Variants in MCTP2 observed in about 807,000 individuals in gnomAD.
MCTP2 encodes the protein multiple C2 and transmembrane domain-containing protein 2.
MCTP2 carries 132 observed loss-of-function variants against 111.6 expected under a neutral mutation model. The observed-to-expected ratio is 1.18, with a 90% CI of 1.03 to 1.37. The LOEUF (loss-of-function observed/expected upper bound fraction) is 1.37. Ranked by LOEUF, MCTP2 falls within the 40% of genes most tolerant of loss-of-function variation. The pLI, the probability that MCTP2 is intolerant of heterozygous loss-of-function variation, is 0.00. For missense variants in MCTP2, 1,183 were observed against 1,067.9 expected, an observed-to-expected ratio of 1.11 and a Z score of -1.50; for synonymous variants, 395 against 387.7, an observed-to-expected ratio of 1.02 and a Z score of -0.22.
chr15:94,359,227 G>A (rs1214958740), intron 10 of MCTP2, among the ~76,000 whole-genome samples: 2 of 152,140 alleles, frequency 1.3e-5, no homozygotes. Flanking sequence ...GCTGGCAGAA[G>A]CACAGATCAT....
chr15:94,416,160 A>G lies in MCTP2; in HGVS notation c.2085+14141A>G, dbSNP rs2082369448. 3.9e-5 allele frequency among the ~76,000 whole-genome samples: 6 copies of G among 152,146 alleles called. No individual in the cohort carries two copies. The South Asian group carries it at 1.2e-3, about 32-fold the overall frequency. On this transcript the variant is annotated intron_variant, in intron 17 of 22. Transcript: ENST00000357742. ...CAAATTGCTAATATATGTGTCCTAC[A>G]GCCTGCAATATAATATTTACGTAGC...
intron 1 of MCTP2, among the ~76,000 whole-genome samples, chr15:94,297,210 A>G (rs1246569359): frequency 6.6e-6 from 1 of 152,140 alleles, no homozygotes; most frequent in Non-Finnish European, 1.5e-5. Context: ...ATTTCTGCAA[A>G]TTTGATTTTG....
At chr15:94,469,049 G>C (rs2073673491) in intron 20 of MCTP2, among the ~76,000 whole-genome samples, 1 of 152,150 alleles carries the variant, frequency 6.6e-6, no homozygotes, top group African/African-American at 2.4e-5. Context: ...AAATGGGGCA[G>C]AATTATTAAG....
chr15:94,291,951 A>C (rs969389506), intron 1 of MCTP2, among the ~76,000 whole-genome samples: 5 of 152,218 alleles, frequency 3.3e-5, no homozygotes, highest in Non-Finnish European at 2.9e-5. Flanking sequence ...GGCTACATTC[A>C]ATGAAACTTT....
At chr15:94,322,335 T>G (rs536091970) in intron 4 of MCTP2, among the ~76,000 whole-genome samples, 1 of 152,076 alleles carries the variant, frequency 6.6e-6, no homozygotes, top group African/African-American at 2.4e-5. Context: ...GCTATTTTGA[T>G]GAATCACTCT....
At chr15:94,235,025 G>T (rs1489143723) in intron 1 of MCTP2, among the ~76,000 whole-genome samples, 5 of 152,134 alleles carry the variant, frequency 3.3e-5, no homozygotes, top group Non-Finnish European at 7.4e-5. Context: ...GCCGAGTTGG[G>T]TGGATCACCT....
At chr15:94,346,460 T>C (rs1180634225) in intron 8 of MCTP2, among the ~76,000 whole-genome samples, 1 of 152,156 alleles carries the variant, frequency 6.6e-6, no homozygotes, top group Non-Finnish European at 1.5e-5. Flanking sequence ...TAGAAGAACA[T>C]CATTTCTCAC....
rs1245844207 is a variant in MCTP2 at position 94,358,667 on chromosome 15, C to G, written c.1301+55C>G. 16 of 1,595,108 alleles carry G rather than the reference C, an allele frequency of 1.0e-5. No homozygotes were observed. In the Admixed American group the frequency reaches 2.4e-4, roughly 24 times the overall value. On this transcript the variant is annotated intron_variant, in intron 10 of 22. Transcript: ENST00000357742. Reference sequence around the variant, plus strand: ...AGCATGTTTCTGCATGGGGCTGGTTCTGAGAGGTGATCTTTATCTGTTAGG... The same window carrying G: ...AGCATGTTTCTGCATGGGGCTGGTTGTGAGAGGTGATCTTTATCTGTTAGG...
intron 4 of MCTP2, among the ~76,000 whole-genome samples, chr15:94,331,923 G>T (rs1364840893): frequency 6.6e-6 from 1 of 152,180 alleles, no homozygotes; most frequent in East Asian, 1.9e-4. Context: ...CTGTTCTGTG[G>T]TTGGTATCAA....
intron 1 of MCTP2, among the ~76,000 whole-genome samples, chr15:94,287,480 T>C (rs908535033): frequency 6.6e-6 from 1 of 152,204 alleles, no homozygotes; most frequent in Non-Finnish European, 1.5e-5. Context: ...TATCTTTTTG[T>C]GTTTATATGT....
intron 7 of MCTP2, among the ~76,000 whole-genome samples, chr15:94,344,812 T>C (rs1467630683): frequency 6.6e-6 from 1 of 152,172 alleles, no homozygotes; most frequent in Admixed American, 6.5e-5. Flanking sequence ...CTTTCTGCTT[T>C]TTTAGAGAGA....
At chr15:94,462,331 T>G (rs2085265928) in intron 20 of MCTP2, among the ~76,000 whole-genome samples, 1 of 152,220 alleles carries the variant, frequency 6.6e-6, no homozygotes, top group South Asian at 2.1e-4. Context: ...AATGGCGAAG[T>G]TAGTCATTTG....
intron 19 of MCTP2, among the ~76,000 whole-genome samples, chr15:94,456,484 GT>G (rs1461934546): frequency 6.6e-6 from 1 of 152,158 alleles, no homozygotes. Flanking sequence ...GCTTTCAAAT[GT>G]TCCTTTATAA....
Position 94,479,007 on chromosome 15 carries a change from C to G in MCTP2, c.2610C>G (p.Pro870=), listed in dbSNP as rs778578166. 1.2e-6 allele frequency: 2 copies of G among 1,614,086 alleles called. No homozygotes were observed. The highest frequency in any genetic ancestry group is 1.7e-4 in the Middle Eastern group (1 of 6,060). ...AELKLCSSHS[P]LRKKRSAL ...TGAAACTCTGCAGCAGCCACAGCCC[C>G]CTGCGGAAGAAGCGCAGCGCTCTCT... The change falls in exon 23 of 23, where the codon CCC becomes CCG. Residue 870 remains proline (P), a synonymous_variant. Transcript: ENST00000357742.
At chr15:94,347,603 T>G (rs915337789) in intron 8 of MCTP2, among the ~76,000 whole-genome samples, 63 of 152,196 alleles carry the variant, frequency 4.1e-4, no homozygotes, top group African/African-American at 1.4e-3. Flanking sequence ...AAAATGGGCC[T>G]TCAAATAAGA....
chr15:94,245,272 A>T (rs9796557), intron 1 of MCTP2, among the ~76,000 whole-genome samples: 1 of 136,526 alleles, frequency 7.3e-6, no homozygotes, highest in Non-Finnish European at 1.6e-5. Flanking sequence ...ATATGTGTAT[A>T]TACGTATATA....
intron 3 of MCTP2, among the ~76,000 whole-genome samples, chr15:94,315,251 G>A (rs112859524): frequency 6.6e-6 from 1 of 152,088 alleles, no homozygotes; most frequent in Admixed American, 6.5e-5. Context: ...TTTAATGAGG[G>A]TATTTCAGAG....
At chr15:94,324,779 CTAT>C (rs1346041263) in intron 4 of MCTP2, among the ~76,000 whole-genome samples, 4 of 152,040 alleles carry the variant, frequency 2.6e-5, no homozygotes, top group African/African-American at 9.7e-5. Flanking sequence ...ATAATTTTTA[CTAT>C]TATTAAATAA....
At chr15:94,371,604 A>G (rs2079490148) in intron 12 of MCTP2, among the ~76,000 whole-genome samples, 1 of 152,206 alleles carries the variant, frequency 6.6e-6, no homozygotes. Context: ...GCATATATAT[A>G]TATTTTAATC....
Sources: gnomAD v4.1 joint callset for allele counts (sites outside exome capture counted in the v4.1 genomes callset) on GRCh38, gnomAD v4.1.1 for gene constraint, MANE v1.5 for transcripts, NCBI Gene and HGNC (gene_info 2026-07-23, HGNC 2026-07-21) for gene names.